Variants in TRPM3 observed in about 807,000 individuals in gnomAD.
TRPM3 encodes the protein transient receptor potential cation channel subfamily M member 3.
In TRPM3, 77 loss-of-function variants were observed where a neutral mutation model predicts 181.2. The ratio of observed to expected loss-of-function variants is 0.42; its 90% CI spans 0.35 to 0.51. The LOEUF is 0.51. Among genes scored for constraint, TRPM3 ranks in the 20% least tolerant of loss-of-function variants. The pLI is 0.01. For missense variants in TRPM3, 1,759 were observed against 2,196.7 expected, an observed-to-expected ratio of 0.80 and a Z score of 3.98; for synonymous variants, 745 against 796.4, an observed-to-expected ratio of 0.94 and a Z score of 1.09.
intron 1 of TRPM3, among the ~76,000 whole-genome samples, chr9:71,272,694 T>C (rs1292015522): frequency 1.3e-5 from 2 of 152,122 alleles, no homozygotes; most frequent in Non-Finnish European, 2.9e-5. Context: ...AAATATAATT[T>C]ATATATTCTC....
intron 6 of TRPM3, among the ~76,000 whole-genome samples, chr9:70,822,337 A>G (rs1296589908): frequency 6.6e-6 from 1 of 152,226 alleles, no homozygotes; most frequent in Non-Finnish European, 1.5e-5. Flanking sequence ...TTAAGGACAC[A>G]GTGGTGTCTC....
At chr9:71,220,750 C>T (rs2080188511) in intron 1 of TRPM3, among the ~76,000 whole-genome samples, 1 of 152,054 alleles carries the variant, frequency 6.6e-6, no homozygotes, top group Non-Finnish European at 1.5e-5. Flanking sequence ...AGAATATGTG[C>T]ACCTGACAGA....
At chr9:71,361,019 C>T (rs2092121168) in intron 1 of TRPM3, among the ~76,000 whole-genome samples, 1 of 152,102 alleles carries the variant, frequency 6.6e-6, no homozygotes, top group Non-Finnish European at 1.5e-5. Flanking sequence ...TGGAGTCTTG[C>T]CTTGTGGCCT....
intron 1 of TRPM3, among the ~76,000 whole-genome samples, chr9:71,327,928 C>A (rs956116903): frequency 3.3e-5 from 5 of 152,118 alleles, no homozygotes; most frequent in Admixed American, 1.3e-4. Flanking sequence ...GAATAGCAGT[C>A]CTCCAAGCGG....
intron 1 of TRPM3, among the ~76,000 whole-genome samples, chr9:71,255,204 A>G (rs962833485): frequency 2.0e-5 from 3 of 152,194 alleles, no homozygotes; most frequent in South Asian, 2.1e-4. Flanking sequence ...TCTCTAAACC[A>G]TCTAGCTTCC....
At chr9:71,393,992 G>GA (rs897729365) in intron 1 of TRPM3, among the ~76,000 whole-genome samples, 34 of 150,986 alleles carry the variant, frequency 2.3e-4, no homozygotes, top group Admixed American at 5.3e-4. Context: ...TTACAATACA[G>GA]AAAAAAAAAT....
chr9:71,282,096 A>C lies in TRPM3; in HGVS notation c.183+164557T>G, dbSNP rs1160065297. On this transcript the variant is annotated intron_variant, in intron 1 of 24. Coordinates refer to the TRPM3 transcript ENST00000357533. ...GGAAAGAAAGGAAAGAAAGAGAGAA[A>C]GAAAGAAAAGAAAGAAAGAAAAAGA... Among the ~76,000 whole-genome samples, 124 of 112,184 alleles carry C rather than the reference A, an allele frequency of 1.1e-3. 21 individuals are homozygous for C. Among genetic ancestry groups the C allele is most frequent in the African/African-American group, 4.1e-3 (121 of 29,866 alleles). The allele number at this position is 112,184 out of a possible 152,430, so 73.6% of individuals were successfully genotyped here. A position where few individuals can be genotyped will look rare whatever the true frequency, so the allele number is the denominator to read the frequency against.
intron 1 of TRPM3, among the ~76,000 whole-genome samples, chr9:71,174,726 A>G (rs548829865): frequency 4.6e-5 from 7 of 152,196 alleles, no homozygotes; most frequent in Non-Finnish European, 1.0e-4. Context: ...AAAAGAAGCC[A>G]TCGGGTATCT....
chr9:70,859,070 T>A (rs919396370), intron 3 of TRPM3, among the ~76,000 whole-genome samples: 24 of 152,290 alleles, frequency 1.6e-4, no homozygotes, highest in African/African-American at 5.3e-4. Flanking sequence ...ACTAGCCATG[T>A]CCCAGTGTAA....
intron 1 of TRPM3, among the ~76,000 whole-genome samples, chr9:70,940,892 A>G (rs1195498002): frequency 1.3e-5 from 2 of 152,234 alleles, no homozygotes; most frequent in African/African-American, 4.8e-5. Flanking sequence ...TTCATGAGGA[A>G]AAAAACTGGC....
chr9:71,195,889 T>C (rs1298450955), intron 1 of TRPM3, among the ~76,000 whole-genome samples: 1 of 152,032 alleles, frequency 6.6e-6, no homozygotes, highest in Non-Finnish European at 1.5e-5. Flanking sequence ...ATCTCACTTA[T>C]AAGTGGGAGC....
At chr9:71,011,333 C>T (rs2097736780) in intron 1 of TRPM3, among the ~76,000 whole-genome samples, 1 of 152,084 alleles carries the variant, frequency 6.6e-6, no homozygotes, top group Admixed American at 6.5e-5. Context: ...AATGTTTAAA[C>T]TGATGGATAT....
intron 11 of TRPM3, among the ~76,000 whole-genome samples, 175 bp downstream of exon 11, chr9:70,638,885 C>T (rs2057629569): frequency 6.6e-6 from 1 of 152,032 alleles, no homozygotes; most frequent in Admixed American, 6.6e-5. Flanking sequence ...TTAAAACAAG[C>T]GGAATCTTGG....
intron 1 of TRPM3, among the ~76,000 whole-genome samples, chr9:71,011,119 A>G (rs994590913): frequency 2.0e-5 from 3 of 152,306 alleles, no homozygotes; most frequent in South Asian, 4.1e-4. Context: ...TTGATTTCAT[A>G]GAAGTACAGA....
intron 1 of TRPM3, among the ~76,000 whole-genome samples, chr9:71,158,763 A>T (rs568908002): frequency 6.6e-6 from 1 of 152,222 alleles, no homozygotes; most frequent in African/African-American, 2.4e-5. Context: ...TCCAAAAGAG[A>T]TTGGCATTTG....
At chr9:71,264,056 G>A (rs930844603) in intron 1 of TRPM3, among the ~76,000 whole-genome samples, 2 of 152,112 alleles carry the variant, frequency 1.3e-5, no homozygotes, top group Admixed American at 6.5e-5. Context: ...ACCTCTCAAA[G>A]TGCCTGGGAT....
At chr9:71,193,808 A>G (rs960011123) in intron 1 of TRPM3, among the ~76,000 whole-genome samples, 16 of 151,906 alleles carry the variant, frequency 1.1e-4, no homozygotes, top group African/African-American at 3.9e-4. Flanking sequence ...AAAATACACT[A>G]CTCACAAGTG....
intron 1 of TRPM3, among the ~76,000 whole-genome samples, chr9:70,868,097 G>C (rs1195149729): frequency 6.6e-6 from 1 of 151,920 alleles, no homozygotes; most frequent in African/African-American, 2.4e-5. Flanking sequence ...ATATGCTTTG[G>C]AAGTCTCATG....
At chr9:71,057,030 CAA>C (rs1419423026) in intron 1 of TRPM3, among the ~76,000 whole-genome samples, 1 of 151,966 alleles carries the variant, frequency 6.6e-6, no homozygotes, top group Non-Finnish European at 1.5e-5. Flanking sequence ...TAGATTTCAA[CAA>C]AATAGGGAAA....
Sources: allele counts gnomAD v4.1 joint callset (sites outside exome capture counted in the v4.1 genomes callset), GRCh38; gene constraint gnomAD v4.1.1; transcripts MANE v1.5; gene names NCBI Gene and HGNC (gene_info 2026-07-23, HGNC 2026-07-21).